RPL24: variants seen among roughly 807,000 people sequenced by gnomAD.
RPL24 encodes ribosomal protein L24, also known as large ribosomal subunit protein eL24.
In RPL24, 7 loss-of-function variants were observed where a neutral mutation model predicts 26.4. That is an observed-to-expected ratio of 0.27 (90% confidence interval 0.15 to 0.50). RPL24 has a LOEUF of 0.50. Among genes scored for constraint, RPL24 ranks in the 20% least tolerant of loss-of-function variants. The pLI, the probability that RPL24 is intolerant of heterozygous loss-of-function variation, is 0.98. For missense variants in RPL24, 109 were observed against 194.9 expected (o/e 0.56, Z 2.62); for synonymous variants, 67 against 65.2 (o/e 1.03, Z -0.13).
At chr3:101,682,974 A>C in intron 3 of RPL24, 67 bp from the exon 4 acceptor site, 1 of 1,443,276 alleles carries the variant, frequency 6.9e-7, no homozygotes, top group Non-Finnish European at 9.5e-7. Flanking sequence ...AGGAAAAATT[A>C]AGTCTTTTAA....
chr3:101,685,094 T>C (rs2108340712), intron 3 of RPL24, among the ~76,000 whole-genome samples: 1 of 152,162 alleles, frequency 6.6e-6, no homozygotes, highest in East Asian at 1.9e-4. Flanking sequence ...AAACACCAAA[T>C]GATTTTTCAC....
chr3:101,681,396 G>A, intron 5 of RPL24, 181 bp from the exon 6 acceptor site: 1 of 594,910 alleles, frequency 1.7e-6, no homozygotes, highest in African/African-American at 1.9e-5. Context: ...TACAATGAAA[G>A]ACAAAGACTA....
chr3:101,686,174 G>C, intron 2 of RPL24: 1 of 572,762 alleles, frequency 1.7e-6, no homozygotes, highest in Admixed American at 3.1e-5. Flanking sequence ...AGGGTGGTGC[G>C]TCCTTCTGGG....
Position 101,681,105 on chromosome 3 carries a change from A to C in RPL24, c.*30T>G, listed in dbSNP as rs1311421254. ...CCAGCACAACCTAGAGTTATAATCC[A>C]ATCTTTATTTAAAAATCTAATCTGC... On this transcript the variant is annotated 3_prime_UTR_variant, in exon 6 of 6. Coordinates refer to ENST00000394077, the MANE Select transcript of RPL24 (RefSeq NM_000986.4). 1.3e-6 allele frequency: 2 copies of C among 1,511,040 alleles called. No individual in the cohort carries two copies. Among genetic ancestry groups the C allele is most frequent in the Non-Finnish European group, 1.8e-6 (2 of 1,088,040 alleles). 93.6% of individuals were successfully genotyped at this position (1,511,040 alleles called of 1,614,324 possible). A position where few individuals can be genotyped will look rare whatever the true frequency, so the allele number is the denominator to read the frequency against.
chr3:101,686,445 G>A (rs1576659963), intron 2 of RPL24, 37 bp downstream of exon 2: 2 of 1,584,118 alleles, frequency 1.3e-6, no homozygotes, highest in Non-Finnish European at 1.7e-6. Flanking sequence ...CCTCCTCGGA[G>A]TACAAGAAGG....
intron 2 of RPL24, 41 bp downstream of exon 2, chr3:101,686,441 C>A (rs776550273): frequency 6.4e-7 from 1 of 1,568,746 alleles, no homozygotes; most frequent in Non-Finnish European, 8.7e-7. Flanking sequence ...CTTTCCTCCT[C>A]GGAGTACAAG....
chr3:101,682,354 G>A (rs750508674), intron 5 of RPL24, 75 bp downstream of exon 5: 1 of 1,181,750 alleles, frequency 8.5e-7, no homozygotes, highest in African/African-American at 1.5e-5. Context: ...CTGGGCAACA[G>A]AGCAAGACTC....
At chr3:101,682,550 T>C in intron 4 of RPL24, 58 bp from the exon 5 acceptor site, 1 of 1,392,042 alleles carries the variant, frequency 7.2e-7, no homozygotes, top group Non-Finnish European at 1.0e-6. Flanking sequence ...GTACAACTTA[T>C]TATTAGAGTT....
chr3:101,683,234 A>G (rs1381334346), intron 3 of RPL24, among the ~76,000 whole-genome samples: 1 of 152,202 alleles, frequency 6.6e-6, no homozygotes, highest in Non-Finnish European at 1.5e-5. Context: ...TATCATATTC[A>G]GCTTTTTTAA....
rs760312635 is a variant in RPL24, at chr3:101,686,685, C to A, written c.-9G>T. ...GGTCGTGCTTACTTCATGGCGACAG[C>A]TCCACGGAAAGACAAAAGATGGCGA... On this transcript the variant is annotated 5_prime_UTR_variant, in exon 1 of 6. Coordinates refer to ENST00000394077, the MANE Select transcript of RPL24 (RefSeq NM_000986.4). The A allele has an allele frequency of 9.3e-6, 15 of 1,614,130 alleles. No homozygotes were observed. Among genetic ancestry groups the A allele is most frequent in the Non-Finnish European group, 1.3e-5 (15 of 1,180,046 alleles).
intron 3 of RPL24, among the ~76,000 whole-genome samples, chr3:101,684,894 G>A (rs1351659189): frequency 1.5e-5 from 2 of 134,772 alleles, no homozygotes; most frequent in African/African-American, 5.5e-5. Flanking sequence ...TTTTTTTAAA[G>A]GTCTCCTATG....
intron 5 of RPL24, chr3:101,681,530 T>A (rs74828294): frequency 2.3e-4 from 58 of 253,124 alleles, no homozygotes; most frequent in Middle Eastern, 1.5e-3. Context: ...TCAGCTTTTC[T>A]CAATGTTATC....
In RPL24 at chr3:101,682,877, C is replaced by T. The variant is rs759762223; in HGVS notation, c.223G>A (p.Ala75Thr). 8.1e-6 allele frequency: 13 copies of T among 1,613,748 alleles called. No homozygotes were observed. Among genetic ancestry groups the T allele is most frequent in the Non-Finnish European group, 1.1e-5 (13 of 1,179,738 alleles). The change falls in exon 4 of 6, where the codon GCA becomes ACA. Residue 75 changes from alanine (A) to threonine (T), a missense_variant. By Grantham distance (58) the Ala-to-Thr change is moderately conservative. This residue lies in a region of RPL24 where 69 missense variants were observed against 96.2 expected (regional missense o/e 0.72). Coordinates refer to ENST00000394077, the MANE Select transcript of RPL24 (RefSeq NM_000986.4). Reference sequence around the variant, plus strand: ...GTAATGGCCCTCTGGAATTTGACTGCTCGGCGGGTTCTTTTCTTTTGAATT... The same window carrying T: ...GTAATGGCCCTCTGGAATTTGACTGTTCGGCGGGTTCTTTTCTTTTGAATT... ...EEIQKKRTRRAVKFQRAITGA... is the reference protein window; with the variant it reads ...EEIQKKRTRRTVKFQRAITGA...
At chr3:101,682,941 C>G (rs1332448175) in intron 3 of RPL24, 34 bp from the exon 4 acceptor site, 2 of 1,587,656 alleles carry the variant, frequency 1.3e-6, no homozygotes, top group Non-Finnish European at 1.7e-6. Context: ...CACTTAGGAA[C>G]CTTCCTTCAA....
chr3:101,681,207 T>C lies in RPL24; in HGVS notation c.402A>G (p.Thr134=). The change falls in exon 6 of 6, where the codon ACA becomes ACG. Residue 134 remains threonine, a synonymous_variant. Transcript: ENST00000394077. ...CAATCTTTTGCTTAGGTGCTGCCTT[T>C]GTAGGTGCCTGTAAAAAGATAACAC... ...KTAMAAAKAP[T]KAAPKQKIVK... is the part of the protein sequence containing the mutation. 1 of 1,612,454 alleles carries C rather than the reference T, an allele frequency of 6.2e-7. No individual in the cohort carries two copies.
At position 101,682,876 on chromosome 3, in the gene RPL24, G is replaced by A; in HGVS notation, c.224C>T (p.Ala75Val). Residue 75 changes from alanine to valine, a missense_variant, in exon 4 of 6, where the codon GCA becomes GTA. By Grantham distance (64) the Ala-to-Val change is moderately conservative. This residue lies in a region of RPL24 where 69 missense variants were observed against 96.2 expected (regional missense o/e 0.72). Coordinates refer to ENST00000394077, the MANE Select transcript of RPL24 (RefSeq NM_000986.4). ...EEIQKKRTRR[A>V]VKFQRAITGA... ...AGTAATGGCCCTCTGGAATTTGACTGCTCGGCGGGTTCTTTTCTTTTGAAT... is the reference window on the plus strand; with the variant it reads ...AGTAATGGCCCTCTGGAATTTGACTACTCGGCGGGTTCTTTTCTTTTGAAT... The A allele has an allele frequency of 6.2e-7, 1 of 1,613,674 alleles. No homozygotes were observed. Among genetic ancestry groups the A allele is most frequent in the Non-Finnish European group, 8.5e-7 (1 of 1,179,684 alleles).
chr3:101,685,427 ACT>A (rs762142349), intron 3 of RPL24, among the ~76,000 whole-genome samples: 4 of 152,176 alleles, frequency 2.6e-5, no homozygotes, highest in Admixed American at 2.0e-4. Flanking sequence ...CAGAAAAACC[ACT>A]GTTTTTCTAG....
In RPL24 at chr3:101,686,659, G is replaced by A. The variant is rs1464861271; in HGVS notation, c.5+13C>T. 2 of 1,614,246 alleles carry A rather than the reference G, an allele frequency of 1.2e-6. No individual in the cohort carries two copies. The highest frequency in any genetic ancestry group is 2.2e-5 in the East Asian group (1 of 44,888). On this transcript the variant is annotated intron_variant, in intron 1 of 5. Transcript: ENST00000394077. ...AGGATGTAAGCGGATTGGGAACCACGGGTCGTGCTTACTTCATGGCGACAG... is the reference window on the plus strand; with the variant it reads ...AGGATGTAAGCGGATTGGGAACCACAGGTCGTGCTTACTTCATGGCGACAG...
intron 3 of RPL24, among the ~76,000 whole-genome samples, chr3:101,685,086 A>T (rs910376568): frequency 6.6e-6 from 1 of 152,016 alleles, no homozygotes; most frequent in Non-Finnish European, 1.5e-5. Context: ...TTTTGAGAAA[A>T]CACCAAATGA....
Sources: allele counts gnomAD v4.1 joint callset (sites outside exome capture counted in the v4.1 genomes callset), GRCh38; gene constraint gnomAD v4.1.1; regional missense constraint gnomAD v4.1.1; transcripts MANE v1.5; gene names NCBI Gene and HGNC (gene_info 2026-07-23, HGNC 2026-07-21).